ITK: variants seen among roughly 807,000 people sequenced by gnomAD.
ITK encodes tyrosine-protein kinase ITK/TSK.
Under a neutral mutation model 87.6 loss-of-function variants are expected in ITK, and 45 were observed. The observed-to-expected ratio is 0.51, with a 90% CI of 0.40 to 0.66. The LOEUF is 0.66. ITK is among the 30% of genes least tolerant of loss of function. The pLI, the probability that ITK is intolerant of heterozygous loss-of-function variation, is 0.00. For missense variants in ITK, 605 were observed against 766.3 expected (o/e 0.79, Z 2.48); for synonymous variants, 303 against 273.6 (o/e 1.11, Z -1.06).
intron 8 of ITK, among the ~76,000 whole-genome samples, chr5:157,233,741 A>G (rs1239195177): frequency 6.6e-6 from 1 of 151,748 alleles, no homozygotes; most frequent in Non-Finnish European, 1.5e-5. Flanking sequence ...TCTGAATTAC[A>G]CTGTGTTTAA....
At chr5:157,211,486 G>A in intron 3 of ITK, 118 bp downstream of exon 3, 2 of 877,930 alleles carry the variant, frequency 2.3e-6, no homozygotes, top group Non-Finnish European at 3.8e-6. Context: ...CTCTTTTGGG[G>A]TTGGTGGAAG....
intron 5 of ITK, among the ~76,000 whole-genome samples, chr5:157,218,679 G>A (rs1205218886): frequency 6.6e-6 from 1 of 152,044 alleles, no homozygotes; most frequent in African/African-American, 2.4e-5. Flanking sequence ...TATTCTCATT[G>A]TAAAGCTTGG....
intron 1 of ITK, among the ~76,000 whole-genome samples, chr5:157,193,676 A>T (rs59987054): frequency 0.011 from 1,747 of 152,314 alleles, 36 homozygotes; most frequent in African/African-American, 0.04. Flanking sequence ...AATGTTCTTC[A>T]ATGGACATTT....
intron 7 of ITK, among the ~76,000 whole-genome samples, chr5:157,230,977 A>G (rs990928437): frequency 2.0e-5 from 3 of 152,222 alleles, no homozygotes; most frequent in Non-Finnish European, 2.9e-5. Flanking sequence ...TTACAAGCAA[A>G]CATTCAGATA....
intron 5 of ITK, among the ~76,000 whole-genome samples, chr5:157,222,149 A>G (rs935997048): frequency 3.3e-5 from 5 of 152,174 alleles, no homozygotes; most frequent in Admixed American, 2.6e-4. Context: ...GAGGAACTTA[A>G]TATTTCCCTA....
rs190229691 is a variant in ITK, at chr5:157,204,589, C to T, written c.139-4300C>T. Among the ~76,000 whole-genome samples the T allele has an allele frequency of 7.4e-3, 1,131 of 152,132 alleles. 9 individuals carry two copies. Among genetic ancestry groups the T allele is most frequent in the Non-Finnish European group, 0.01 (685 of 68,002 alleles). Reference sequence around the variant, plus strand: ...TGGCACATGCCTGTAGTCCCAGCTACTCAGGAGGCTGAGGCAGGAGAATCG... The same window carrying T: ...TGGCACATGCCTGTAGTCCCAGCTATTCAGGAGGCTGAGGCAGGAGAATCG... On this transcript the variant is annotated intron_variant, in intron 1 of 16. Coordinates refer to ENST00000422843, the MANE Select transcript of ITK (RefSeq NM_005546.4).
At chr5:157,248,752 T>C in intron 15 of ITK, 98 bp from the exon 16 acceptor site, 1 of 1,349,560 alleles carries the variant, frequency 7.4e-7, no homozygotes, top group Non-Finnish European at 1.1e-6. Context: ...AGCACATGAA[T>C]CCTAATGCAA....
intron 8 of ITK, among the ~76,000 whole-genome samples, chr5:157,235,383 C>T (rs995782491): frequency 2.0e-5 from 3 of 152,198 alleles, no homozygotes; most frequent in Admixed American, 6.5e-5. Context: ...TGCCTTCCCT[C>T]GCCCTAGCTA....
At chr5:157,217,803 C>T in intron 4 of ITK, 64 bp from the exon 5 acceptor site, 1 of 1,447,324 alleles carries the variant, frequency 6.9e-7, no homozygotes, top group Non-Finnish European at 9.7e-7. Flanking sequence ...CCTGGCTGCT[C>T]ACTTCCGGTT....
Position 157,209,007 on chromosome 5 carries a change from G to A in ITK, c.243+14G>A, listed in dbSNP as rs903251581. On this transcript the variant is annotated intron_variant, in intron 2 of 16. Coordinates refer to ENST00000422843, the MANE Select transcript of ITK (RefSeq NM_005546.4). Reference sequence around the variant, plus strand: ...TACCCGTTTCAGGTAAGTCCATCAGGTGGGTAGTTCCCCATTCCCTGGACT... The same window carrying A: ...TACCCGTTTCAGGTAAGTCCATCAGATGGGTAGTTCCCCATTCCCTGGACT... The A allele has an allele frequency of 3.3e-6, 5 of 1,538,450 alleles. No homozygotes were observed. Among genetic ancestry groups the A allele is most frequent in the Non-Finnish European group, 4.5e-6 (5 of 1,111,014 alleles).
At chr5:157,248,822 A>G (rs1755073567) in intron 15 of ITK, 28 bp from the exon 16 acceptor site, 2 of 1,613,604 alleles carry the variant, frequency 1.2e-6, no homozygotes, top group Non-Finnish European at 1.7e-6. Flanking sequence ...TTTGTCATTC[A>G]CTGTGCTGTG....
chr5:157,239,623 A>C (rs1392087878), intron 9 of ITK, among the ~76,000 whole-genome samples: 1 of 152,186 alleles, frequency 6.6e-6, no homozygotes, highest in Non-Finnish European at 1.5e-5. Flanking sequence ...TAACCATGCA[A>C]GCAGGTCTTT....
intron 1 of ITK, among the ~76,000 whole-genome samples, chr5:157,197,198 T>C (rs914498514): frequency 6.6e-6 from 1 of 152,152 alleles, no homozygotes; most frequent in Non-Finnish European, 1.5e-5. Flanking sequence ...AGGCTATCCC[T>C]CAAGAAGAAC....
chr5:157,221,942 G>A (rs1754426531), intron 5 of ITK, among the ~76,000 whole-genome samples: 1 of 152,008 alleles, frequency 6.6e-6, no homozygotes, highest in Admixed American at 6.6e-5. Context: ...CTTGAGCCCA[G>A]GAGTTTGAGA....
chr5:157,231,193 T>C (rs1245180518), intron 7 of ITK, among the ~76,000 whole-genome samples: 3 of 152,232 alleles, frequency 2.0e-5, no homozygotes, highest in Non-Finnish European at 4.4e-5. Context: ...CTCACCCTAT[T>C]TGAGTTCTGA....
chr5:157,204,386 C>A (rs1754038781), intron 1 of ITK, among the ~76,000 whole-genome samples: 1 of 152,104 alleles, frequency 6.6e-6, no homozygotes. Flanking sequence ...CATGGTGAAA[C>A]CCCATCTCTA....
chr5:157,241,671 A>G lies in ITK; in HGVS notation c.1011A>G (p.Pro337=). Residue 337 remains proline, a synonymous_variant, in exon 11 of 17, where the codon CCA becomes CCG. Transcript: ENST00000422843. The stretch of plus-strand genomic sequence containing the variant: ...GCCTGGTGACTCGACTCCGGTATCC[A>G]GTTTGTTTTGGGAGGCAGAAAGCCC... ...GGGLVTRLRY[P]VCFGRQKAPV... 3 of 1,613,968 alleles carry G rather than the reference A, an allele frequency of 1.9e-6. No homozygotes were observed. The East Asian group carries it at 6.7e-5, about 36-fold the overall frequency.
intron 11 of ITK, among the ~76,000 whole-genome samples, chr5:157,242,250 A>C (rs1272084022): frequency 4.6e-5 from 7 of 152,144 alleles, no homozygotes; most frequent in Non-Finnish European, 1.0e-4. Context: ...TGCTTCACTC[A>C]CTTGGGATTA....
intron 1 of ITK, among the ~76,000 whole-genome samples, chr5:157,200,098 A>AGAAAG (rs61373912): frequency 0.7 from 104,319 of 149,562 alleles, 35,980 homozygotes; most frequent in Middle Eastern, 0.76. Context: ...AAAGGAAAGA[A>AGAAAG]GAAAGGAAAG....
Sources: gnomAD v4.1 joint callset for allele counts (sites outside exome capture counted in the v4.1 genomes callset) on GRCh38, gnomAD v4.1.1 for gene constraint, MANE v1.5 for transcripts, NCBI Gene and HGNC (gene_info 2026-07-23, HGNC 2026-07-21) for gene names.